Variants in SYN3 observed in about 807,000 individuals in gnomAD.
SYN3 encodes the protein synapsin III.
In SYN3, 35 loss-of-function variants were observed where a neutral mutation model predicts 65.8. That is an observed-to-expected ratio of 0.53 (90% CI 0.41 to 0.70). The LOEUF (loss-of-function observed/expected upper bound fraction) is 0.70, where lower values mean the gene tolerates loss of function less well. SYN3 is among the 30% of genes least tolerant of loss of function. The pLI is 0.00. For synonymous variants in SYN3, 270 were observed against 292.9 expected (o/e 0.92, Z 0.80); for missense variants, 680 against 749.0 (o/e 0.91, Z 1.08).
intron 7 of SYN3, among the ~76,000 whole-genome samples, chr22:32,585,330 T>C (rs551950415): frequency 1.3e-5 from 2 of 152,232 alleles, no homozygotes; most frequent in East Asian, 1.9e-4. Flanking sequence ...CCAGCATCAG[T>C]TGGTTTTCCC....
chr22:32,581,753 T>G (rs929564157), intron 7 of SYN3, among the ~76,000 whole-genome samples: 1 of 139,150 alleles, frequency 7.2e-6, no homozygotes, highest in African/African-American at 2.5e-5. Flanking sequence ...ATTGATTCTT[T>G]TTTTCTTTTT....
intron 6 of SYN3, among the ~76,000 whole-genome samples, chr22:32,838,189 C>T (rs1319925226): frequency 6.6e-6 from 1 of 152,124 alleles, no homozygotes; most frequent in Non-Finnish European, 1.5e-5. Context: ...ATGCATAGTT[C>T]CTCAAATACT....
At chr22:32,867,739 C>G (rs372053412) in intron 5 of SYN3, among the ~76,000 whole-genome samples, 1 of 152,172 alleles carries the variant, frequency 6.6e-6, no homozygotes, top group African/African-American at 2.4e-5. Flanking sequence ...CACGCCACCA[C>G]GCCCAGCTAA....
intron 6 of SYN3, among the ~76,000 whole-genome samples, chr22:32,773,445 G>A (rs917743317): frequency 6.7e-6 from 1 of 148,972 alleles, no homozygotes; most frequent in African/African-American, 2.5e-5. Context: ...GAACGCAACA[G>A]TGACAGTAGT....
intron 6 of SYN3, among the ~76,000 whole-genome samples, chr22:32,597,204 C>CTTTTTTTTTT (rs6147592): frequency 5.7e-5 from 5 of 87,398 alleles, no homozygotes; most frequent in Non-Finnish European, 1.1e-4. Flanking sequence ...ACATTATTCT[C>CTTTTTTTTTT]TTTTTTTTTT....
intron 4 of SYN3, among the ~76,000 whole-genome samples, chr22:32,929,360 T>TG (rs1411303820): frequency 2.6e-5 from 4 of 152,030 alleles, no homozygotes; most frequent in Non-Finnish European, 5.9e-5. Context: ...CATACCTGAT[T>TG]TTTTTCAATT....
chr22:32,629,112 T>C (rs1399602188), intron 6 of SYN3, among the ~76,000 whole-genome samples: 3 of 152,192 alleles, frequency 2.0e-5, no homozygotes, highest in Non-Finnish European at 4.4e-5. Flanking sequence ...CTGTCGTGTG[T>C]GCTCCCCAAA....
chr22:32,852,799 C>T (rs1230642631), intron 6 of SYN3, among the ~76,000 whole-genome samples: 2 of 152,158 alleles, frequency 1.3e-5, no homozygotes, highest in African/African-American at 4.8e-5. Flanking sequence ...CAATCCCAAA[C>T]TTGGAAATTA....
chr22:32,519,311 T>TC (rs951038643), intron 12 of SYN3: 2 of 89,138 alleles, frequency 2.2e-5, no homozygotes, highest in Admixed American at 9.6e-5. Context: ...TTTAATTCTC[T>TC]TTTTTTTTTT....
chr22:32,930,094 A>T (rs2050584915), intron 4 of SYN3, among the ~76,000 whole-genome samples: 1 of 152,206 alleles, frequency 6.6e-6, no homozygotes, highest in African/African-American at 2.4e-5. Context: ...GGCACTCAAT[A>T]AAGAATGGCT....
intron 6 of SYN3, among the ~76,000 whole-genome samples, chr22:32,710,088 C>T (rs867039048): frequency 5.1e-4 from 49 of 96,392 alleles, no homozygotes; most frequent in African/African-American, 2.5e-3. Context: ...CACACACACA[C>T]ACACACACAC....
chr22:32,751,271 G>A (rs751771335), intron 6 of SYN3, among the ~76,000 whole-genome samples: 1 of 152,150 alleles, frequency 6.6e-6, no homozygotes, highest in Non-Finnish European at 1.5e-5. Context: ...AGAGGTCACT[G>A]ACCTTAGCAG....
chr22:32,629,009 A>G (rs551293880), intron 6 of SYN3, among the ~76,000 whole-genome samples: 82 of 152,306 alleles, frequency 5.4e-4, no homozygotes, highest in African/African-American at 1.9e-3. Context: ...CCTGATAGAA[A>G]GAGAACCTGG....
intron 6 of SYN3, among the ~76,000 whole-genome samples, chr22:32,757,078 A>G (rs1416433114): frequency 6.7e-6 from 1 of 149,454 alleles, no homozygotes; most frequent in Non-Finnish European, 1.5e-5. Context: ...GGTTTGGAGG[A>G]AAAGCAAATA....
At chr22:32,967,071 A>G (rs2051869101) in intron 3 of SYN3, among the ~76,000 whole-genome samples, 1 of 152,196 alleles carries the variant, frequency 6.6e-6, no homozygotes, top group Non-Finnish European at 1.5e-5. Context: ...CCTGTTCATC[A>G]GAGTCATGAT....
chr22:32,789,053 G>A (rs577226799), intron 6 of SYN3, among the ~76,000 whole-genome samples: 2 of 152,334 alleles, frequency 1.3e-5, no homozygotes, highest in African/African-American at 4.8e-5. Flanking sequence ...CCCCCCTCCA[G>A]CTGGCTCCGG....
chr22:32,632,824 C>G (rs2059764021), intron 6 of SYN3, among the ~76,000 whole-genome samples: 1 of 152,204 alleles, frequency 6.6e-6, no homozygotes, highest in Admixed American at 6.5e-5. Flanking sequence ...CTGTCATTTT[C>G]TATTAACGTG....
chr22:32,822,161 A>AG (rs2047267375), intron 6 of SYN3, among the ~76,000 whole-genome samples: 1 of 151,534 alleles, frequency 6.6e-6, no homozygotes, highest in East Asian at 1.9e-4. Flanking sequence ...ATCTCAAAAA[A>AG]AAAAAAAAAA....
intron 1 of SYN3, among the ~76,000 whole-genome samples, chr22:33,040,923 C>CTT (rs958870583): frequency 6.7e-6 from 1 of 149,018 alleles, no homozygotes; most frequent in African/African-American, 2.5e-5. Context: ...TTGGGTATGT[C>CTT]TTTTTTTTTT....
Sources: allele counts gnomAD v4.1 joint callset (sites outside exome capture counted in the v4.1 genomes callset), GRCh38; gene constraint gnomAD v4.1.1; transcripts MANE v1.5; gene names NCBI Gene and HGNC (gene_info 2026-07-23, HGNC 2026-07-21).